The following TMEM117 variants were observed in gnomAD, a reference collection of about 807,000 sequenced individuals.
TMEM117 encodes the protein transmembrane protein 117.
TMEM117 carries 27 observed loss-of-function variants against 52.4 expected under a neutral mutation model. The observed-to-expected ratio is 0.51, with a 90% CI of 0.38 to 0.71. The LOEUF is 0.71. Ranked by LOEUF, TMEM117 falls within the 30% of genes least tolerant of loss-of-function variation. The probability of loss-of-function intolerance (pLI) is 0.00; values close to 1 mark genes in which losing one functional copy is unlikely to be tolerated. For synonymous variants in TMEM117, 215 were observed against 206.3 expected, an observed-to-expected ratio of 1.04 and a Z score of -0.36; for missense variants, 556 against 630.5, an observed-to-expected ratio of 0.88 and a Z score of 1.26.
At chr12:44,318,581 A>G (rs1435811256) in intron 6 of TMEM117, among the ~76,000 whole-genome samples, 6 of 152,134 alleles carry the variant, frequency 3.9e-5, no homozygotes, top group African/African-American at 7.2e-5. Context: ...CTACAAGCCA[A>G]TTTATGCACA....
intron 3 of TMEM117, among the ~76,000 whole-genome samples, chr12:44,044,517 G>C (rs1461661978): frequency 6.6e-6 from 1 of 152,166 alleles, no homozygotes; most frequent in African/African-American, 2.4e-5. Flanking sequence ...ACGTGATAGG[G>C]CTCAAGTAGG....
intron 6 of TMEM117, among the ~76,000 whole-genome samples, chr12:44,342,665 T>C (rs1397860749): frequency 6.6e-6 from 1 of 151,166 alleles, no homozygotes; most frequent in Non-Finnish European, 1.5e-5. Flanking sequence ...AAAGACTCAT[T>C]AAATATCTAA....
chr12:44,198,008 G>A (rs1949443757), intron 4 of TMEM117, among the ~76,000 whole-genome samples: 1 of 152,204 alleles, frequency 6.6e-6, no homozygotes, highest in Admixed American at 6.5e-5. Context: ...GATACTTCTT[G>A]TGGCAATTTA....
intron 4 of TMEM117, among the ~76,000 whole-genome samples, chr12:44,210,729 G>A (rs907117611): frequency 6.6e-6 from 1 of 152,080 alleles, no homozygotes; most frequent in Non-Finnish European, 1.5e-5. Context: ...TCGGAAGATG[G>A]GCAGAATCTG....
At chr12:44,357,838 A>C (rs764777390) in intron 6 of TMEM117, among the ~76,000 whole-genome samples, 21 of 152,122 alleles carry the variant, frequency 1.4e-4, no homozygotes, top group Non-Finnish European at 2.8e-4. Context: ...TTCAAAATAA[A>C]GTAAATTGTT....
At chr12:44,242,441 C>T (rs187106433) in intron 5 of TMEM117, among the ~76,000 whole-genome samples, 2 of 151,940 alleles carry the variant, frequency 1.3e-5, no homozygotes, top group East Asian at 3.9e-4. Context: ...ACTCCAGCTC[C>T]ATCGTCATCC....
intron 2 of TMEM117, among the ~76,000 whole-genome samples, chr12:43,885,419 C>T (rs4768532): frequency 0.71 from 99,180 of 140,328 alleles, 37,995 homozygotes; most frequent in East Asian, 0.86. Flanking sequence ...CTTTTCTTTT[C>T]TTTTTTTTTT....
the TMEM117 span, among the ~76,000 whole-genome samples, chr12:43,809,928 A>G: frequency 6.6e-6 from 1 of 152,218 alleles, no homozygotes; most frequent in African/African-American, 2.4e-5. Context: ...TTCCTATCGG[A>G]CTCAGTGGTG....
At chr12:44,234,136 T>C (rs1592627917) in intron 5 of TMEM117, among the ~76,000 whole-genome samples, 1 of 151,560 alleles carries the variant, frequency 6.6e-6, no homozygotes, top group African/African-American at 2.4e-5. Flanking sequence ...GGGGATTGTA[T>C]ACTCTTTTCC....
At chr12:44,219,090 G>T (rs1949756053) in intron 5 of TMEM117, among the ~76,000 whole-genome samples, 1 of 151,920 alleles carries the variant, frequency 6.6e-6, no homozygotes, top group Non-Finnish European at 1.5e-5. Flanking sequence ...AATGAATTTG[G>T]GTTATGTAAA....
chr12:44,353,782 T>C (rs912919701), intron 6 of TMEM117, among the ~76,000 whole-genome samples: 1 of 152,198 alleles, frequency 6.6e-6, no homozygotes, highest in African/African-American at 2.4e-5. Flanking sequence ...CGATGTGGGC[T>C]CTTTTTTGGT....
chr12:43,938,527 A>G (rs1475614386), intron 2 of TMEM117, among the ~76,000 whole-genome samples: 3 of 151,924 alleles, frequency 2.0e-5, no homozygotes, highest in Non-Finnish European at 4.4e-5. Flanking sequence ...AAGTAGTGGG[A>G]GCCTGCTAGG....
chr12:44,394,986 T>C, the TMEM117 span, among the ~76,000 whole-genome samples: 9 of 152,216 alleles, frequency 5.9e-5, no homozygotes, highest in Non-Finnish European at 8.8e-5. Context: ...CTTATTTGCT[T>C]TGAATACATC....
At chr12:44,071,603 C>G (rs1436497426) in intron 3 of TMEM117, among the ~76,000 whole-genome samples, 2 of 152,008 alleles carry the variant, frequency 1.3e-5, no homozygotes, top group South Asian at 2.1e-4. Context: ...AGTATTCAAC[C>G]AAAAACAGAT....
At chr12:43,841,701 C>T (rs140411909) in intron 1 of TMEM117, among the ~76,000 whole-genome samples, 147 of 152,192 alleles carry the variant, frequency 9.7e-4, no homozygotes, top group African/African-American at 3.3e-3. Context: ...TTGATCTGGC[C>T]GTCTGCAGGA....
intron 3 of TMEM117, among the ~76,000 whole-genome samples, chr12:43,970,884 G>A (rs891686135): frequency 2.1e-4 from 32 of 151,736 alleles, no homozygotes; most frequent in Non-Finnish European, 8.8e-5. Context: ...TCTAAAATAT[G>A]TATGTCTACC....
chr12:44,252,747 C>A (rs1187936614), intron 5 of TMEM117, among the ~76,000 whole-genome samples: 1 of 152,074 alleles, frequency 6.6e-6, no homozygotes, highest in Non-Finnish European at 1.5e-5. Context: ...CTTATTGAAC[C>A]CTCCAAGCTT....
At chr12:43,859,508 GA>G (rs63345660) in intron 2 of TMEM117, among the ~76,000 whole-genome samples, 109,960 of 151,828 alleles carry the variant, frequency 0.72, 43,147 homozygotes, top group East Asian at 0.94. Context: ...CCTATTGTGG[GA>G]AAAAAAACAG....
intron 4 of TMEM117, among the ~76,000 whole-genome samples, chr12:44,210,753 AAG>A (rs1340835671): frequency 6.6e-6 from 1 of 152,148 alleles, no homozygotes; most frequent in African/African-American, 2.4e-5. Context: ...AGGTGAGGAA[AAG>A]AGGAAGAACA....
Sources: allele counts gnomAD v4.1 joint callset (sites outside exome capture counted in the v4.1 genomes callset), GRCh38; gene constraint gnomAD v4.1.1; transcripts MANE v1.5; gene names NCBI Gene and HGNC (gene_info 2026-07-23, HGNC 2026-07-21).